Variants in VPS13B observed in about 807,000 individuals in gnomAD.
VPS13B encodes the protein intermembrane lipid transfer protein VPS13B.
A neutral mutation model predicts 426.4 loss-of-function variants in VPS13B; 285 were observed. That is an observed-to-expected ratio of 0.67 (90% confidence interval 0.61 to 0.74). The LOEUF (loss-of-function observed/expected upper bound fraction) is 0.74, where lower values mean the gene tolerates loss of function less well. Among genes scored for constraint, VPS13B ranks in the 30% least tolerant of loss-of-function variants. The pLI, the probability that VPS13B is intolerant of heterozygous loss-of-function variation, is 0.00. For synonymous variants in VPS13B, 1,676 were observed against 1,676.4 expected (o/e 1.00, Z 0.01); for missense variants, 4,537 against 4,782.6 (o/e 0.95, Z 1.51).
intron 56 of VPS13B, among the ~76,000 whole-genome samples, chr8:99,855,167 G>C (rs1816482007): frequency 6.6e-6 from 1 of 152,142 alleles, no homozygotes; most frequent in African/African-American, 2.4e-5. Context: ...CTTGAGCACG[G>C]GAGTTCAAGA....
chr8:99,148,054 ATTTTT>A (rs199769640), intron 14 of VPS13B, 44 bp downstream of exon 14: 24 of 1,363,234 alleles, frequency 1.8e-5, no homozygotes, highest in East Asian at 2.5e-5. Context: ...TCATATATGG[ATTTTT>A]TTTTTTTTTT....
intron 35 of VPS13B, among the ~76,000 whole-genome samples, chr8:99,681,435 A>G (rs531643097): frequency 6.6e-6 from 1 of 152,322 alleles, no homozygotes; most frequent in African/African-American, 2.4e-5. Context: ...CTCCAGGGTG[A>G]GGGACTTTGT....
intron 19 of VPS13B, among the ~76,000 whole-genome samples, chr8:99,363,127 A>C (rs1444784648): frequency 6.6e-6 from 1 of 152,144 alleles, no homozygotes; most frequent in Non-Finnish European, 1.5e-5. Flanking sequence ...GTAGTTTCGT[A>C]GTTTGAGGTC....
chr8:99,699,681 A>G lies in VPS13B; in HGVS notation c.6203A>G (p.Asp2068Gly). 1.2e-6 allele frequency: 2 copies of G among 1,614,194 alleles called. No individual in the cohort carries two copies. The highest frequency in any genetic ancestry group is 1.7e-6 in the Non-Finnish European group (2 of 1,180,036). ...SAMSNTMVNK[D>G]DLPVSKYYRG... ...ATGTCCAACACCATGGTGAATAAGG[A>G]TGATCTTCCAGTCTCCAAATATTAC... is the stretch of plus-strand genomic sequence containing the variant. The change falls in exon 36 of 62, where the codon GAT becomes GGT. Residue 2068 changes from aspartate (D) to glycine (G), a missense_variant. Asp to Gly is a moderately conservative substitution (Grantham distance 94). Coordinates refer to ENST00000357162, the MANE Select transcript of VPS13B (RefSeq NM_152564.5).
At chr8:99,042,507 C>T (rs936271250) in intron 3 of VPS13B, among the ~76,000 whole-genome samples, 6 of 152,006 alleles carry the variant, frequency 3.9e-5, no homozygotes, top group South Asian at 2.1e-4. Context: ...TCTCATGTAC[C>T]TACAGGTTTA....
At chr8:99,491,760 A>G (rs1372978749) in intron 25 of VPS13B, among the ~76,000 whole-genome samples, 4 of 152,136 alleles carry the variant, frequency 2.6e-5, no homozygotes, top group Admixed American at 2.0e-4. Flanking sequence ...TTAGCCATTC[A>G]TCTAACCATT....
At chr8:99,147,292 A>C (rs549251269) in intron 13 of VPS13B, among the ~76,000 whole-genome samples, 41 of 152,126 alleles carry the variant, frequency 2.7e-4, no homozygotes, top group Non-Finnish European at 4.7e-4. Context: ...TTGCATTTTT[A>C]GTACAGATGG....
chr8:99,030,053 G>A (rs1842432198), intron 2 of VPS13B, among the ~76,000 whole-genome samples: 1 of 150,768 alleles, frequency 6.6e-6, no homozygotes, highest in African/African-American at 2.4e-5. Context: ...TCCGTGACTT[G>A]AGATGTTTTC....
chr8:99,571,292 GTAGT>G (rs748506402), intron 31 of VPS13B, among the ~76,000 whole-genome samples: 1 of 151,652 alleles, frequency 6.6e-6, no homozygotes, highest in Non-Finnish European at 1.5e-5. Flanking sequence ...ATTCTTAATT[GTAGT>G]TATTCAGTGT....
chr8:99,483,215 A>G (rs183129346), intron 25 of VPS13B, among the ~76,000 whole-genome samples: 6 of 152,258 alleles, frequency 3.9e-5, no homozygotes, highest in Admixed American at 1.3e-4. Context: ...CAACTTTTCT[A>G]TCTTGCCCAT....
At position 99,200,422 on chromosome 8, in the gene VPS13B, A is replaced by G. The variant is rs547899136; in HGVS notation, c.2515+7365A>G. 2.0e-5 allele frequency among the ~76,000 whole-genome samples: 3 copies of G among 152,150 alleles called. No individual in the cohort carries two copies. The East Asian group carries it at 5.8e-4, about 29-fold the overall frequency. Reference sequence around the variant, plus strand: ...TTATTTCTTTTGTGTATATATACCTATAAATATAATTGCTGGGTCATATGG... The same window carrying G: ...TTATTTCTTTTGTGTATATATACCTGTAAATATAATTGCTGGGTCATATGG... On this transcript the variant is annotated intron_variant, in intron 17 of 61. Transcript: ENST00000357162.
At chr8:99,685,659 G>T (rs1269840709) in intron 35 of VPS13B, among the ~76,000 whole-genome samples, 1 of 152,086 alleles carries the variant, frequency 6.6e-6, no homozygotes, top group Non-Finnish European at 1.5e-5. Context: ...CAGTATATCA[G>T]TTGCATTTTT....
intron 3 of VPS13B, among the ~76,000 whole-genome samples, chr8:99,043,989 A>G (rs1168754958): frequency 6.7e-6 from 1 of 149,774 alleles, no homozygotes; most frequent in Non-Finnish European, 1.5e-5. Context: ...TCTCTGCTAC[A>G]TTTTGGGGAA....
chr8:99,862,342 T>G (rs567409292), intron 58 of VPS13B, among the ~76,000 whole-genome samples: 1 of 152,334 alleles, frequency 6.6e-6, no homozygotes, highest in South Asian at 2.1e-4. Context: ...TTCTTTTGTT[T>G]GAGAAACACT....
At chr8:99,536,937 G>A (rs1397082438) in intron 30 of VPS13B, 1 of 411,312 alleles carries the variant, frequency 2.4e-6, no homozygotes, top group East Asian at 7.3e-5. Flanking sequence ...TTATTGTTCA[G>A]TTCGATGATA....
chr8:99,128,671 A>G (rs1809580323), intron 8 of VPS13B, among the ~76,000 whole-genome samples: 1 of 152,024 alleles, frequency 6.6e-6, no homozygotes. Flanking sequence ...GAAATGAGCT[A>G]AACTTTTGAA....
At chr8:99,244,309 C>G (rs976566240) in intron 17 of VPS13B, among the ~76,000 whole-genome samples, 1 of 152,192 alleles carries the variant, frequency 6.6e-6, no homozygotes, top group Non-Finnish European at 1.5e-5. Context: ...ATAAATATTT[C>G]AAGTTGCATT....
intron 40 of VPS13B, among the ~76,000 whole-genome samples, chr8:99,775,019 C>G (rs1012703367): frequency 6.6e-6 from 1 of 152,172 alleles, no homozygotes; most frequent in African/African-American, 2.4e-5. Flanking sequence ...ATGCTCCTAG[C>G]TTTCATTTTC....
intron 33 of VPS13B, among the ~76,000 whole-genome samples, chr8:99,630,802 G>T (rs545961979): frequency 6.6e-6 from 1 of 152,174 alleles, no homozygotes; most frequent in South Asian, 2.1e-4. Flanking sequence ...GGATATATTA[G>T]GAATGGGAGA....
Sources: allele counts gnomAD v4.1 joint callset (sites outside exome capture counted in the v4.1 genomes callset), GRCh38; gene constraint gnomAD v4.1.1; transcripts MANE v1.5; gene names NCBI Gene and HGNC (gene_info 2026-07-23, HGNC 2026-07-21).